EIF4G3: variants seen among roughly 807,000 people sequenced by gnomAD.
The protein encoded by EIF4G3 is eIF-4-gamma 3.
A neutral mutation model predicts 186.4 loss-of-function variants in EIF4G3; 34 were observed. The ratio of observed to expected loss-of-function variants is 0.18; its 90% CI spans 0.14 to 0.24. The LOEUF is 0.24. Ranked by LOEUF, EIF4G3 falls within the 10% of genes least tolerant of loss-of-function variation. The pLI is 1.00. For missense variants in EIF4G3, 1,536 were observed against 1,948.5 expected, an observed-to-expected ratio of 0.79 and a Z score of 3.99; for synonymous variants, 673 against 679.5, an observed-to-expected ratio of 0.99 and a Z score of 0.15.
At chr1:21,171,107 G>A (rs539625637) in intron 2 of EIF4G3, among the ~76,000 whole-genome samples, 2 of 152,324 alleles carry the variant, frequency 1.3e-5, no homozygotes, top group East Asian at 3.9e-4. Flanking sequence ...TTGGCAGCAA[G>A]CCAAAGAACT....
At chr1:21,100,430 T>G (rs1464128525) in intron 2 of EIF4G3, among the ~76,000 whole-genome samples, 1 of 152,222 alleles carries the variant, frequency 6.6e-6, no homozygotes, top group Non-Finnish European at 1.5e-5. Context: ...GCATGTAATT[T>G]AAAAATAATA....
chr1:20,912,323 T>C (rs912458071), intron 14 of EIF4G3, among the ~76,000 whole-genome samples: 3 of 152,194 alleles, frequency 2.0e-5, no homozygotes, highest in South Asian at 2.1e-4. Context: ...ATTTTCTACA[T>C]TTGTGGAGAT....
chr1:20,938,898 G>C (rs1467583219), intron 14 of EIF4G3, among the ~76,000 whole-genome samples: 1 of 151,930 alleles, frequency 6.6e-6, no homozygotes. Context: ...CACAAGGTCA[G>C]TAGTTCGAGA....
chr1:20,860,246 G>A, intron 24 of EIF4G3, 139 bp downstream of exon 24: 1 of 1,182,486 alleles, frequency 8.5e-7, no homozygotes, highest in South Asian at 1.6e-5. Flanking sequence ...CTCTTCAGGT[G>A]AAACTGCTTC....
At chr1:21,075,003 A>AGATCAGATAC (rs1553205290) in intron 3 of EIF4G3, among the ~76,000 whole-genome samples, 1 of 152,196 alleles carries the variant, frequency 6.6e-6, no homozygotes, top group African/African-American at 2.4e-5. Context: ...ACTCACTGAT[A>AGATCAGATAC]GATCAGATAC....
intron 2 of EIF4G3, among the ~76,000 whole-genome samples, chr1:21,140,356 C>T (rs1417438455): frequency 2.6e-5 from 4 of 152,086 alleles, no homozygotes; most frequent in Non-Finnish European, 5.9e-5. Flanking sequence ...CTCTACTGCC[C>T]AGGCTGGAGT....
chr1:21,064,307 C>G (rs1270573034), intron 3 of EIF4G3, among the ~76,000 whole-genome samples: 1 of 152,074 alleles, frequency 6.6e-6, no homozygotes, highest in Non-Finnish European at 1.5e-5. Flanking sequence ...CTGTTTGCGC[C>G]CTTGCAATCC....
intron 2 of EIF4G3, among the ~76,000 whole-genome samples, chr1:21,166,038 T>C (rs10753514): frequency 0.43 from 59,884 of 138,098 alleles, 12,899 homozygotes; most frequent in Middle Eastern, 0.55. Flanking sequence ...GCCCAAATCT[T>C]TGTTCATATT....
At chr1:21,064,304 C>T (rs1357247631) in intron 3 of EIF4G3, among the ~76,000 whole-genome samples, 3 of 152,152 alleles carry the variant, frequency 2.0e-5, no homozygotes, top group Admixed American at 6.5e-5. Flanking sequence ...CATCTGTTTG[C>T]GCCCTTGCAA....
At chr1:21,026,844 C>T (rs770638066) in intron 4 of EIF4G3, among the ~76,000 whole-genome samples, 2 of 148,402 alleles carry the variant, frequency 1.3e-5, no homozygotes, top group African/African-American at 2.5e-5. Flanking sequence ...GGCTGAGGCA[C>T]GATAATCATT....
intron 34 of EIF4G3, among the ~76,000 whole-genome samples, chr1:20,816,402 G>A (rs1396033311): frequency 8.9e-6 from 1 of 112,684 alleles, no homozygotes; most frequent in East Asian, 3.0e-4. Flanking sequence ...CGGCCGCCCC[G>A]TCCGGGAGGT....
At position 20,899,728 on chromosome 1, in the gene EIF4G3, A is replaced by G. The variant is rs1210715481; in HGVS notation, c.1968T>C (p.Ser656=). The G allele has an allele frequency of 6.2e-7, 1 of 1,614,188 alleles. No individual in the cohort carries two copies. The change falls in exon 16 of 37, where the codon TCT becomes TCC. Residue 656 remains serine (S), a synonymous_variant. Transcript: ENST00000602326. The part of the protein sequence containing the change: ...IDANSGSTDS[S]GDGVTFPFKP... ...TAAATGGAAATGTAACCCCATCACC[A>G]GAACTATCTGTGGAGCCTGAATTAG...
chr1:20,841,465 T>C (rs2068568092), intron 29 of EIF4G3, among the ~76,000 whole-genome samples: 1 of 152,220 alleles, frequency 6.6e-6, no homozygotes, highest in Admixed American at 6.5e-5. Flanking sequence ...AAATGGTATA[T>C]TATGAAATAG....
intron 2 of EIF4G3, among the ~76,000 whole-genome samples, chr1:21,132,611 T>G (rs180817967): frequency 1.6e-4 from 25 of 152,182 alleles, no homozygotes; most frequent in Admixed American, 4.6e-4. Flanking sequence ...AGCATATTTT[T>G]TATTTTTTTG....
Position 21,166,113 on chromosome 1 carries a change from C to CT in EIF4G3, c.-272+10061dup, listed in dbSNP as rs1189973326. 4.6e-5 allele frequency among the ~76,000 whole-genome samples: 5 copies of CT among 109,588 alleles called. No individual in the cohort carries two copies. The South Asian group carries it at 9.0e-4, about 20-fold the overall frequency. The allele number at this position is 109,588 out of a possible 152,430, so 71.9% of individuals were successfully genotyped here. A position where few individuals can be genotyped will look rare whatever the true frequency, so the allele number is the denominator to read the frequency against. ...TAAACCCTGACTATAGTCTTAAACT[C>CT]TTTTTTTTCCTTTTAAAAATTCATA... On this transcript the variant is annotated intron_variant, in intron 2 of 36. Transcript: ENST00000602326.
At chr1:20,809,246 A>G (rs2058754733) in intron 36 of EIF4G3, among the ~76,000 whole-genome samples, 1 of 152,108 alleles carries the variant, frequency 6.6e-6, no homozygotes, top group Non-Finnish European at 1.5e-5. Flanking sequence ...AAAAAGACTT[A>G]TCTTTGTAAT....
In EIF4G3 at chr1:20,990,493, T is replaced by C. The variant is rs576168879; in HGVS notation, c.177+7108A>G. Reference sequence around the variant, plus strand: ...TTCAAGACCAGCCTGGCCAACATGGTGAAACCCCGTCTCTACCAGAAATAC... The same window carrying C: ...TTCAAGACCAGCCTGGCCAACATGGCGAAACCCCGTCTCTACCAGAAATAC... On this transcript the variant is annotated intron_variant, in intron 7 of 36. Coordinates refer to ENST00000602326, the MANE Select transcript of EIF4G3 (RefSeq NM_001391906.1). 8.5e-5 allele frequency among the ~76,000 whole-genome samples: 13 copies of C among 152,134 alleles called. No homozygotes were observed. In the East Asian group the frequency reaches 2.3e-3, roughly 27 times the overall value.
chr1:20,938,388 T>A (rs761455452), intron 14 of EIF4G3, among the ~76,000 whole-genome samples: 9 of 152,248 alleles, frequency 5.9e-5, no homozygotes, highest in Non-Finnish European at 1.5e-5. Flanking sequence ...ATATCCCTTA[T>A]GTTATAACTT....
intron 34 of EIF4G3, among the ~76,000 whole-genome samples, chr1:20,815,657 G>C (rs1348919578): frequency 6.8e-6 from 1 of 146,682 alleles, no homozygotes; most frequent in African/African-American, 2.5e-5. Flanking sequence ...GGTGGGGGGG[G>C]GTCAGCCCCC....
Sources: gnomAD v4.1 joint callset for allele counts (sites outside exome capture counted in the v4.1 genomes callset) on GRCh38, gnomAD v4.1.1 for gene constraint, MANE v1.5 for transcripts, NCBI Gene and HGNC (gene_info 2026-07-23, HGNC 2026-07-21) for gene names.